Variants in DMD observed in about 807,000 individuals in gnomAD.
DMD encodes the protein mutant dystrophin.
Under a neutral mutation model 330.1 loss-of-function variants are expected in DMD, and 63 were observed. The ratio of observed to expected loss-of-function variants is 0.19; its 90% CI spans 0.16 to 0.24. The LOEUF (loss-of-function observed/expected upper bound fraction) is 0.24, where lower values mean the gene tolerates loss of function less well. DMD is among the 10% of genes least tolerant of loss of function. DMD has a pLI of 1.00. For synonymous variants in DMD, 1,223 were observed against 959.8 expected (o/e 1.27, Z -5.07); for missense variants, 3,344 against 2,684.1 (o/e 1.25, Z -5.43).
At chrX:31,201,211 A>T (rs1345192241) in intron 67 of DMD, among the ~76,000 whole-genome samples, 9 of 109,581 alleles carry the variant, frequency 8.2e-5, no homozygotes, top group African/African-American at 2.7e-4. Context: ...ACACACACAC[A>T]CATACACCAA....
chrX:32,758,797 C>T (rs2071840121), intron 7 of DMD, among the ~76,000 whole-genome samples: 1 of 111,557 alleles, frequency 9.0e-6, no homozygotes, highest in Admixed American at 9.5e-5. Flanking sequence ...TGGAGCAAAA[C>T]GACCACAAAT....
chrX:31,308,572 A>T (rs1471640918), intron 62 of DMD, among the ~76,000 whole-genome samples: 1 of 111,560 alleles, frequency 9.0e-6, no homozygotes, highest in Non-Finnish European at 1.9e-5. Flanking sequence ...TTTTTTAAAA[A>T]TTATTTATTT....
Position 31,875,190 on chromosome X carries a change from T to G in DMD, c.7096A>C (p.Lys2366Gln), listed in dbSNP as rs1800275. Residue 2366 changes from lysine (K) to glutamine (Q), a missense_variant and splice_region_variant, in exon 48 of 79, where the codon AAG (lysine) becomes CAG (glutamine). Transcript: ENST00000357033. Reference sequence around the variant, plus strand: ...ATTTAAAGCAAAAAGTTCCCTACCTTAACGTCAAATGGTCCTTCTTGGTTT... The same window carrying G: ...ATTTAAAGCAAAAAGTTCCCTACCTGAACGTCAAATGGTCCTTCTTGGTTT... Reference protein sequence around the residue: ...QPNQEGPFDVKETEIAVQAKQ... With the variant: ...QPNQEGPFDVQETEIAVQAKQ... 262,157 of 1,200,242 alleles carry G rather than the reference T, an allele frequency of 0.22. 21,883 individuals are homozygous for G. The highest frequency in any genetic ancestry group is 0.48 in the Admixed American group (21,125 of 44,259).
At position 32,426,746 on chromosome X, in the gene DMD, G is replaced by A. The variant is rs186765171; in HGVS notation, c.4071+11495C>T. Among the ~76,000 whole-genome samples the A allele has an allele frequency of 2.9e-3, 322 of 111,711 alleles. 1 individual carries two copies. Among genetic ancestry groups the A allele is most frequent in the African/African-American group, 0.01 (310 of 30,701 alleles). On this transcript the variant is annotated intron_variant, in intron 29 of 78. Coordinates refer to ENST00000357033, the MANE Select transcript of DMD (RefSeq NM_004006.3). ...TGGTAGACTAGATAAAGAAAATGTG[G>A]TGCATATACACCATGGAACACTACG...
intron 4 of DMD, among the ~76,000 whole-genome samples, chrX:32,840,292 C>T (rs2080049094): frequency 8.9e-6 from 1 of 111,784 alleles, no homozygotes; most frequent in South Asian, 3.7e-4. Flanking sequence ...ATGTGGCCTT[C>T]CCTGAAGAGA....
chrX:33,253,418 A>G (rs759005274), intron 1 of DMD, among the ~76,000 whole-genome samples: 1 of 111,909 alleles, frequency 8.9e-6, no homozygotes, highest in South Asian at 3.6e-4. Flanking sequence ...GGGAAAGACA[A>G]GCTGTATAGA....
At chrX:31,935,394 C>T (rs971099792) in intron 45 of DMD, among the ~76,000 whole-genome samples, 2 of 111,509 alleles carry the variant, frequency 1.8e-5, no homozygotes, top group African/African-American at 3.3e-5. Context: ...TGGCTGGTCT[C>T]GATTGCTGGC....
At chrX:32,640,166 G>A (rs1253016116) in intron 11 of DMD, among the ~76,000 whole-genome samples, 3 of 108,850 alleles carry the variant, frequency 2.8e-5, no homozygotes, top group African/African-American at 1.0e-4. Context: ...AAGTGACATG[G>A]TATGGTAAAA....
At chrX:31,733,969 A>C (rs1300469760) in intron 51 of DMD, among the ~76,000 whole-genome samples, 1 of 111,132 alleles carries the variant, frequency 9.0e-6, no homozygotes, top group Non-Finnish European at 1.9e-5. Context: ...TTCATAACCA[A>C]CTTCATAAAT....
At chrX:33,028,322 C>T (rs1453399603) in intron 1 of DMD, among the ~76,000 whole-genome samples, 1 of 111,722 alleles carries the variant, frequency 9.0e-6, no homozygotes, top group Non-Finnish European at 1.9e-5. Context: ...GCTAAATTCC[C>T]TGATGGAGAA....
chrX:31,531,017 A>C (rs1283705312), intron 55 of DMD, among the ~76,000 whole-genome samples: 15 of 94,237 alleles, frequency 1.6e-4, no homozygotes, highest in African/African-American at 6.6e-4. Context: ...ATCATTTTTT[A>C]TGGCTGCATA....
chrX:32,494,324 G>C (rs2043279169), intron 19 of DMD, among the ~76,000 whole-genome samples: 1 of 111,314 alleles, frequency 9.0e-6, no homozygotes, highest in Non-Finnish European at 1.9e-5. Flanking sequence ...TTTGCATATT[G>C]ATCTTTATAA....
chrX:33,039,363 CCAAA>C (rs1196580267), intron 1 of DMD, among the ~76,000 whole-genome samples: 1 of 107,058 alleles, frequency 9.3e-6, no homozygotes, highest in East Asian at 2.9e-4. Flanking sequence ...CCCCACCCCA[CCAAA>C]CAAACAAACA....
At chrX:31,253,640 ATGAT>A (rs2049634870) in intron 63 of DMD, among the ~76,000 whole-genome samples, 1 of 111,857 alleles carries the variant, frequency 8.9e-6, no homozygotes, top group African/African-American at 3.3e-5. Flanking sequence ...CTGATTTATA[ATGAT>A]ATTGATGTAT....
At chrX:31,146,548 T>C in intron 75 of DMD, 134 bp from the exon 76 acceptor site, 2 of 610,441 alleles carry the variant, frequency 3.3e-6, no homozygotes, top group Non-Finnish European at 5.3e-6. Flanking sequence ...AAAGATTGTT[T>C]AATTTGGGAT....
At chrX:31,636,316 C>G (rs1603432564) in intron 54 of DMD, among the ~76,000 whole-genome samples, 1 of 111,564 alleles carries the variant, frequency 9.0e-6, no homozygotes, top group East Asian at 2.8e-4. Context: ...ATATAACAAA[C>G]CTGCACACGT....
intron 60 of DMD, among the ~76,000 whole-genome samples, chrX:31,350,091 A>C: frequency 9.0e-6 from 1 of 111,237 alleles, no homozygotes; most frequent in Non-Finnish European, 1.9e-5. Flanking sequence ...TATTTTATAT[A>C]CACAAAAGCA....
At chrX:31,472,351 G>A (rs2067363434) in intron 59 of DMD, among the ~76,000 whole-genome samples, 1 of 111,949 alleles carries the variant, frequency 8.9e-6, no homozygotes, top group Non-Finnish European at 1.9e-5. Flanking sequence ...AAGAAATCAA[G>A]TAAGGTTGAC....
chrX:31,335,144 CTT>C, intron 61 of DMD, among the ~76,000 whole-genome samples: 1 of 112,355 alleles, frequency 8.9e-6, no homozygotes, highest in Non-Finnish European at 1.9e-5. Context: ...AATAAATAAA[CTT>C]TGTTTTATTT....
Sources: allele counts gnomAD v4.1 joint callset (sites outside exome capture counted in the v4.1 genomes callset), GRCh38; gene constraint gnomAD v4.1.1; transcripts MANE v1.5; gene names NCBI Gene and HGNC (gene_info 2026-07-23, HGNC 2026-07-21).